Variants in LMNTD1 observed in about 807,000 individuals in gnomAD.
LMNTD1 encodes lamin tail domain-containing protein 1.
A neutral mutation model predicts 50.9 loss-of-function variants in LMNTD1; 35 were observed. The observed-to-expected ratio is 0.69, with a 90% CI of 0.53 to 0.91. LMNTD1 has a LOEUF of 0.91. Ranked by LOEUF, LMNTD1 falls within the 40% of genes least tolerant of loss-of-function variation. The pLI is 0.00. For missense variants in LMNTD1, 470 were observed against 475.5 expected, an observed-to-expected ratio of 0.99 and a Z score of 0.11; for synonymous variants, 153 against 161.9, an observed-to-expected ratio of 0.94 and a Z score of 0.42.
chr12:25,610,988 G>A (rs185850231), intron 1 of LMNTD1, among the ~76,000 whole-genome samples: 1 of 152,154 alleles, frequency 6.6e-6, no homozygotes, highest in African/African-American at 2.4e-5. Flanking sequence ...TCTTTAAGGA[G>A]AGCAGAGACC....
At chr12:25,504,689 A>C (rs1368184444) in intron 8 of LMNTD1, among the ~76,000 whole-genome samples, 1 of 152,226 alleles carries the variant, frequency 6.6e-6, no homozygotes, top group African/African-American at 2.4e-5. Flanking sequence ...CAGAGAAACA[A>C]TATCCAAAGC....
At chr12:25,511,918 C>G (rs377169579) in intron 8 of LMNTD1, among the ~76,000 whole-genome samples, 328 of 152,298 alleles carry the variant, frequency 2.2e-3, no homozygotes, top group South Asian at 6.0e-3. Context: ...GCTTTGCCCC[C>G]CCTCTTTTCA....
intron 1 of LMNTD1, among the ~76,000 whole-genome samples, chr12:25,562,250 C>G (rs185293998): frequency 7.4e-4 from 112 of 152,190 alleles, no homozygotes; most frequent in African/African-American, 2.5e-3. Flanking sequence ...TTACAATTTG[C>G]CATGTTTTTG....
In LMNTD1 at chr12:25,606,271, A is replaced by G. The variant is rs564082069; in HGVS notation, c.58+42223T>C. Among the ~76,000 whole-genome samples the G allele has an allele frequency of 1.5e-3, 236 of 152,304 alleles. 1 individual carries two copies. The highest frequency in any genetic ancestry group is 5.4e-3 in the African/African-American group (223 of 41,564). The stretch of plus-strand genomic sequence containing the variant: ...GGTTTTCTAGATATACAATCATGTC[A>G]TCTGCAAACAGGGACAATTTGACTT... On this transcript the variant is annotated intron_variant, in intron 1 of 7. Coordinates refer to the LMNTD1 transcript ENST00000445693.
intron 8 of LMNTD1, among the ~76,000 whole-genome samples, chr12:25,505,080 C>T (rs1049463570): frequency 1.1e-4 from 17 of 152,152 alleles, no homozygotes; most frequent in African/African-American, 4.1e-4. Flanking sequence ...TATTTTAGAG[C>T]TACAAACATC....
At chr12:25,580,055 G>T (rs1945212715) in intron 1 of LMNTD1, among the ~76,000 whole-genome samples, 1 of 152,112 alleles carries the variant, frequency 6.6e-6, no homozygotes, top group Admixed American at 6.5e-5. Context: ...CTCTCTGCAA[G>T]CCCTGTGATC....
chr12:25,575,294 A>G (rs1048149654), intron 1 of LMNTD1, among the ~76,000 whole-genome samples: 2 of 152,184 alleles, frequency 1.3e-5, no homozygotes, highest in African/African-American at 4.8e-5. Flanking sequence ...ACCTCAAGCC[A>G]TTAGTCACAT....
intron 1 of LMNTD1, among the ~76,000 whole-genome samples, chr12:25,646,845 A>G (rs1216398007): frequency 3.3e-5 from 5 of 152,180 alleles, no homozygotes; most frequent in Admixed American, 2.6e-4. Context: ...TTTGCCAGCA[A>G]TGTTGCTTTC....
intron 1 of LMNTD1, among the ~76,000 whole-genome samples, chr12:25,623,719 A>G (rs6416240): frequency 0.72 from 109,657 of 152,028 alleles, 39,846 homozygotes; most frequent in Non-Finnish European, 0.75. Context: ...GATATCTGCT[A>G]CCATCCCACA....
intron 4 of LMNTD1, among the ~76,000 whole-genome samples, chr12:25,536,757 C>T (rs954409339): frequency 6.6e-6 from 1 of 152,244 alleles, no homozygotes; most frequent in Non-Finnish European, 1.5e-5. Flanking sequence ...CTCCAGTCTA[C>T]AGCTCCCAGC....
intron 1 of LMNTD1, among the ~76,000 whole-genome samples, chr12:25,614,823 A>G (rs1946318569): frequency 6.6e-6 from 1 of 152,224 alleles, no homozygotes; most frequent in South Asian, 2.1e-4. Flanking sequence ...TGGAAGTCCA[A>G]GACCAAGGTA....
At chr12:25,503,705 T>A (rs1382456088) in intron 9 of LMNTD1, 33 bp downstream of exon 9, 1 of 1,142,024 alleles carries the variant, frequency 8.8e-7, no homozygotes, top group Non-Finnish European at 1.3e-6. Context: ...TATTTTTCTG[T>A]GGAGAAAGCA....
chr12:25,619,252 CTATA>C (rs71450756), intron 1 of LMNTD1, among the ~76,000 whole-genome samples: 4,748 of 83,270 alleles, frequency 0.057, 78 homozygotes, highest in African/African-American at 0.077. Flanking sequence ...CTCTCTCTCT[CTATA>C]TATATATATA....
intron 9 of LMNTD1, among the ~76,000 whole-genome samples, chr12:25,496,034 T>C (rs1432453334): frequency 6.6e-6 from 1 of 152,186 alleles, no homozygotes; most frequent in Non-Finnish European, 1.5e-5. Flanking sequence ...TTTCCTGAGA[T>C]AACACCATCT....
intron 1 of LMNTD1, among the ~76,000 whole-genome samples, chr12:25,648,264 C>T (rs1296333206): frequency 3.3e-5 from 5 of 152,144 alleles, no homozygotes; most frequent in African/African-American, 1.2e-4. Context: ...TTTCAACATT[C>T]TTTTTTCACT....
chr12:25,641,230 C>CTAA (rs149312635), intron 1 of LMNTD1, among the ~76,000 whole-genome samples: 3,482 of 152,166 alleles, frequency 0.023, 41 homozygotes, highest in Non-Finnish European at 0.029. Context: ...TAAGGCTGTA[C>CTAA]TAATGTAGCA....
intron 1 of LMNTD1, among the ~76,000 whole-genome samples, chr12:25,569,743 C>T (rs549833922): frequency 5.3e-5 from 8 of 152,116 alleles, no homozygotes; most frequent in South Asian, 2.1e-4. Flanking sequence ...CCACCTTGCT[C>T]TCTTGCTCCC....
intron 1 of LMNTD1, among the ~76,000 whole-genome samples, chr12:25,586,352 T>G (rs1945523642): frequency 6.6e-6 from 1 of 152,166 alleles, no homozygotes; most frequent in African/African-American, 2.4e-5. Context: ...CAGGTCCTGC[T>G]TCCCTTTCCA....
chr12:25,567,578 G>A (rs1336305131), intron 1 of LMNTD1, among the ~76,000 whole-genome samples: 1 of 152,300 alleles, frequency 6.6e-6, no homozygotes, highest in Admixed American at 6.5e-5. Flanking sequence ...GGATCATGGG[G>A]ATTGGTCCCT....
Sources: gnomAD v4.1 joint callset for allele counts (sites outside exome capture counted in the v4.1 genomes callset) on GRCh38, gnomAD v4.1.1 for gene constraint, MANE v1.5 for transcripts, NCBI Gene and HGNC (gene_info 2026-07-23, HGNC 2026-07-21) for gene names.